GPC5: variants seen among roughly 807,000 people sequenced by gnomAD.
GPC5 encodes glypican-5.
A neutral mutation model predicts 53.9 loss-of-function variants in GPC5; 47 were observed. That is an observed-to-expected ratio of 0.87 (90% CI 0.69 to 1.11). GPC5 has a LOEUF of 1.11. GPC5 is among the 50% of genes most tolerant of loss of function. The probability of loss-of-function intolerance (pLI) is 0.00; values close to 1 mark genes in which losing one functional copy is unlikely to be tolerated. For synonymous variants in GPC5, 286 were observed against 263.3 expected (o/e 1.09, Z -0.84); for missense variants, 748 against 713.1 (o/e 1.05, Z -0.56).
At chr13:91,823,949 A>G (rs952302756) in intron 5 of GPC5, among the ~76,000 whole-genome samples, 4 of 152,086 alleles carry the variant, frequency 2.6e-5, no homozygotes, top group Non-Finnish European at 5.9e-5. Flanking sequence ...TGAAATATCA[A>G]TATGGTTGGT....
intron 3 of GPC5, among the ~76,000 whole-genome samples, chr13:91,695,223 C>T (rs1190688870): frequency 6.6e-6 from 1 of 152,076 alleles, no homozygotes; most frequent in African/African-American, 2.4e-5. Context: ...TTCTCACATC[C>T]TTTTATGAAA....
chr13:92,361,575 G>A (rs913549354), intron 7 of GPC5, among the ~76,000 whole-genome samples: 8 of 151,640 alleles, frequency 5.3e-5, no homozygotes, highest in African/African-American at 2.0e-4. Context: ...TAGTACATCA[G>A]TGTCTGAGGA....
At chr13:92,125,686 T>C (rs1171112939) in intron 6 of GPC5, among the ~76,000 whole-genome samples, 1 of 152,122 alleles carries the variant, frequency 6.6e-6, no homozygotes, top group Non-Finnish European at 1.5e-5. Flanking sequence ...GATTTAACAA[T>C]TACTTTCTGA....
At chr13:91,446,287 C>T (rs1030353078) in intron 1 of GPC5, among the ~76,000 whole-genome samples, 14 of 152,134 alleles carry the variant, frequency 9.2e-5, no homozygotes, top group Non-Finnish European at 1.8e-4. Flanking sequence ...GAAAGGAAGA[C>T]GTATTAACCA....
At chr13:91,939,609 GT>G (rs1482924708) in intron 6 of GPC5, among the ~76,000 whole-genome samples, 3 of 152,134 alleles carry the variant, frequency 2.0e-5, no homozygotes, top group Non-Finnish European at 4.4e-5. Flanking sequence ...GATTTAAGTA[GT>G]TAAGTGACCT....
chr13:91,431,101 A>G (rs1879414313), intron 1 of GPC5, among the ~76,000 whole-genome samples: 1 of 151,738 alleles, frequency 6.6e-6, no homozygotes, highest in African/African-American at 2.4e-5. Context: ...TTGGTCTCAA[A>G]CTCCTGGGCT....
intron 6 of GPC5, among the ~76,000 whole-genome samples, chr13:92,104,032 G>A (rs1288892848): frequency 6.6e-6 from 1 of 151,972 alleles, no homozygotes; most frequent in African/African-American, 2.4e-5. Flanking sequence ...GATTGTTTTT[G>A]GCAAATACCC....
intron 7 of GPC5, among the ~76,000 whole-genome samples, chr13:92,564,073 A>G (rs1428392088): frequency 1.3e-4 from 20 of 152,186 alleles, no homozygotes; most frequent in Non-Finnish European, 2.9e-5. Context: ...TGCCAAGTAT[A>G]TAGAGAGAAA....
chr13:92,294,792 A>G (rs907924306), intron 7 of GPC5, among the ~76,000 whole-genome samples: 2 of 119,700 alleles, frequency 1.7e-5, no homozygotes, highest in African/African-American at 6.2e-5. Flanking sequence ...ACCTTAGATT[A>G]TCTGTTTGTG....
At chr13:92,571,074 A>G (rs544183818) in intron 7 of GPC5, among the ~76,000 whole-genome samples, 1 of 152,274 alleles carries the variant, frequency 6.6e-6, no homozygotes, top group Non-Finnish European at 1.5e-5. Context: ...CATCCTTAGC[A>G]TTAAATATTC....
chr13:91,475,870 T>C (rs1380646420), intron 2 of GPC5, among the ~76,000 whole-genome samples: 1 of 152,308 alleles, frequency 6.6e-6, no homozygotes, highest in Non-Finnish European at 1.5e-5. Flanking sequence ...ATTTCTCCCA[T>C]GGAGCTAGAG....
chr13:92,280,171 G>T (rs939671519), intron 7 of GPC5, among the ~76,000 whole-genome samples: 37 of 152,050 alleles, frequency 2.4e-4, no homozygotes, highest in Middle Eastern at 3.4e-3. Context: ...CTAATTTGTT[G>T]TCATATAATT....
chr13:92,605,326 C>T (rs1438093403), intron 7 of GPC5, among the ~76,000 whole-genome samples: 1 of 152,154 alleles, frequency 6.6e-6, no homozygotes, highest in East Asian at 1.9e-4. Flanking sequence ...CATCTCCAAG[C>T]AAATACTTTA....
At chr13:92,133,743 TG>T (rs1448114967) in intron 6 of GPC5, among the ~76,000 whole-genome samples, 1 of 152,152 alleles carries the variant, frequency 6.6e-6, no homozygotes, top group African/African-American at 2.4e-5. Flanking sequence ...CAAATCTTGT[TG>T]TAGTGTTAGA....
At chr13:92,662,289 C>T (rs1264445664) in intron 7 of GPC5, among the ~76,000 whole-genome samples, 1 of 152,190 alleles carries the variant, frequency 6.6e-6, no homozygotes, top group African/African-American at 2.4e-5. Context: ...ATTAAATTTT[C>T]AATTGCAATA....
chr13:92,515,564 T>G (rs1880742066), intron 7 of GPC5, among the ~76,000 whole-genome samples: 1 of 152,218 alleles, frequency 6.6e-6, no homozygotes, highest in Non-Finnish European at 1.5e-5. Context: ...TAGCTTGTTT[T>G]TCAAGCAGTA....
In GPC5 at chr13:92,488,152, T is replaced by C. The variant is rs142264555; in HGVS notation, c.1561+343163T>C. Among the ~76,000 whole-genome samples the C allele has an allele frequency of 2.3e-3, 348 of 152,236 alleles. 2 individuals are homozygous for C. Among genetic ancestry groups the C allele is most frequent in the African/African-American group, 8.2e-3 (342 of 41,556 alleles). ...GTGCGCGTGTGTGTGTGTACAGGCA[T>C]ATAAGTTTGTAAATTTAATCCAGTA... On this transcript the variant is annotated intron_variant, in intron 7 of 7. Transcript: ENST00000377067.
chr13:92,375,104 A>G (rs1229986301), intron 7 of GPC5, among the ~76,000 whole-genome samples: 2 of 152,188 alleles, frequency 1.3e-5, no homozygotes, highest in Non-Finnish European at 2.9e-5. Context: ...TTTTACTTAC[A>G]AGATCAAAGG....
chr13:91,905,307 A>C (rs1464320143), intron 5 of GPC5, among the ~76,000 whole-genome samples: 5 of 151,718 alleles, frequency 3.3e-5, no homozygotes, highest in Non-Finnish European at 5.9e-5. Context: ...ATCTCTCTCT[A>C]TATATTTATT....
Sources: allele counts gnomAD v4.1 joint callset (sites outside exome capture counted in the v4.1 genomes callset), GRCh38; gene constraint gnomAD v4.1.1; transcripts MANE v1.5; gene names NCBI Gene and HGNC (gene_info 2026-07-23, HGNC 2026-07-21).